The following IMMP2L variants were observed in gnomAD, a reference collection of about 807,000 sequenced individuals.
IMMP2L encodes mitochondrial inner membrane protease subunit 2.
IMMP2L carries 18 observed loss-of-function variants against 19.3 expected under a neutral mutation model. The observed-to-expected ratio is 0.93, with a 90% CI of 0.64 to 1.38. IMMP2L has a LOEUF of 1.38. IMMP2L is among the 40% of genes most tolerant of loss of function. IMMP2L has a pLI of 0.00. For missense variants in IMMP2L, 233 were observed against 218.2 expected, an observed-to-expected ratio of 1.07 and a Z score of -0.43; for synonymous variants, 76 against 73.0, an observed-to-expected ratio of 1.04 and a Z score of -0.21.
chr7:110,982,784 A>C (rs1290547161), intron 3 of IMMP2L, among the ~76,000 whole-genome samples: 1 of 152,162 alleles, frequency 6.6e-6, no homozygotes, highest in African/African-American at 2.4e-5. Flanking sequence ...CAAATGGATA[A>C]AGGTATTTTT....
At chr7:110,767,530 TCTC>T (rs1185993034) in intron 5 of IMMP2L, among the ~76,000 whole-genome samples, 3 of 152,094 alleles carry the variant, frequency 2.0e-5, no homozygotes, top group African/African-American at 4.8e-5. Flanking sequence ...CAAATCCACT[TCTC>T]CTGCACACAT....
intron 5 of IMMP2L, among the ~76,000 whole-genome samples, chr7:110,820,535 T>G (rs913271404): frequency 3.3e-5 from 5 of 151,916 alleles, no homozygotes; most frequent in African/African-American, 4.8e-5. Flanking sequence ...TCTGAACATA[T>G]ATGTTTCATA....
Position 111,460,432 on chromosome 7 carries a change from G to A in IMMP2L, c.239+26806C>T, listed in dbSNP as rs142961133. On this transcript the variant is annotated intron_variant, in intron 3 of 5. Transcript: ENST00000405709. Reference sequence around the variant, plus strand: ...TTAATGCCAACAAATTAACCTTTCAGAAAGTTAGAAAGAAAGAACAAAAGA... The same window carrying A: ...TTAATGCCAACAAATTAACCTTTCAAAAAGTTAGAAAGAAAGAACAAAAGA... Among the ~76,000 whole-genome samples the A allele has an allele frequency of 4.2e-3, 635 of 151,988 alleles. 23 individuals are homozygous for A. Among genetic ancestry groups the A allele is most frequent in the Admixed American group, 0.037 (557 of 15,246 alleles).
At chr7:110,898,959 G>A (rs918614711) in intron 4 of IMMP2L, among the ~76,000 whole-genome samples, 3 of 151,714 alleles carry the variant, frequency 2.0e-5, no homozygotes, top group East Asian at 1.9e-4. Flanking sequence ...TTAGGCCTTC[G>A]GGGCCACAAA....
chr7:110,915,038 G>C (rs1481333255), intron 4 of IMMP2L, among the ~76,000 whole-genome samples: 1 of 125,170 alleles, frequency 8.0e-6, no homozygotes, highest in Non-Finnish European at 1.7e-5. Flanking sequence ...GGCGGTTTCT[G>C]AAAAAAATTA....
intron 5 of IMMP2L, among the ~76,000 whole-genome samples, chr7:110,858,516 G>A (rs779406634): frequency 6.6e-6 from 1 of 152,080 alleles, no homozygotes; most frequent in Admixed American, 6.6e-5. Context: ...CTTCAGCCTT[G>A]TGGATTAGAA....
chr7:111,070,544 A>G (rs1049883906), intron 3 of IMMP2L, among the ~76,000 whole-genome samples: 3 of 152,212 alleles, frequency 2.0e-5, no homozygotes, highest in Admixed American at 6.5e-5. Flanking sequence ...GAAGATTGAT[A>G]AAAACTTAGA....
At chr7:111,154,261 C>A (rs1309269492) in intron 3 of IMMP2L, among the ~76,000 whole-genome samples, 1 of 152,012 alleles carries the variant, frequency 6.6e-6, no homozygotes, top group Non-Finnish European at 1.5e-5. Context: ...AACCCAACTG[C>A]TTTATCTTTA....
At chr7:110,894,395 A>T (rs1259862099) in intron 4 of IMMP2L, among the ~76,000 whole-genome samples, 5 of 152,172 alleles carry the variant, frequency 3.3e-5, no homozygotes, top group Admixed American at 3.3e-4. Flanking sequence ...TCTCACCAGC[A>T]CTTGATATTA....
chr7:110,894,481 A>G (rs1055948940), intron 4 of IMMP2L, among the ~76,000 whole-genome samples: 1 of 152,138 alleles, frequency 6.6e-6, no homozygotes, highest in Non-Finnish European at 1.5e-5. Context: ...TAATGATTTG[A>G]GCATCTTTTC....
intron 3 of IMMP2L, among the ~76,000 whole-genome samples, chr7:111,249,546 C>G (rs112308498): frequency 0.016 from 2,443 of 152,234 alleles, 66 homozygotes; most frequent in African/African-American, 0.054. Context: ...GCTCCTCCCC[C>G]TCTTGTTGCT....
intron 3 of IMMP2L, among the ~76,000 whole-genome samples, chr7:111,369,620 TA>T (rs1347138613): frequency 2.0e-5 from 3 of 151,860 alleles, no homozygotes; most frequent in African/African-American, 7.2e-5. Context: ...CTTTAAAAAT[TA>T]AAAAACAAAG....
rs1399107790 is a variant in IMMP2L at position 110,745,154 on chromosome 7, G to T, written c.409-81433C>A. Among the ~76,000 whole-genome samples, 4 of 152,116 alleles carry T rather than the reference G, an allele frequency of 2.6e-5. No individual in the cohort carries two copies. The East Asian group carries it at 7.7e-4, about 29-fold the overall frequency. On this transcript the variant is annotated intron_variant, in intron 5 of 5. Transcript: ENST00000405709. The stretch of plus-strand genomic sequence containing the variant: ...ATCAAGAGGAAGAAAGGATATCAGA[G>T]ACAGAAGATCAACTCAATGAAATAA...
At chr7:110,972,376 A>C (rs187411539) in intron 3 of IMMP2L, among the ~76,000 whole-genome samples, 1 of 152,234 alleles carries the variant, frequency 6.6e-6, no homozygotes, top group African/African-American at 2.4e-5. Context: ...TCAATGCTTT[A>C]ACCTAAATAA....
chr7:110,826,433 A>C (rs1354341915), intron 5 of IMMP2L, among the ~76,000 whole-genome samples: 1 of 152,224 alleles, frequency 6.6e-6, no homozygotes, highest in African/African-American at 2.4e-5. Flanking sequence ...ACTTGGAACC[A>C]ACCCAAATGT....
At chr7:111,544,285 T>G (rs536238631) in intron 1 of IMMP2L, among the ~76,000 whole-genome samples, 6 of 151,984 alleles carry the variant, frequency 3.9e-5, no homozygotes, top group Non-Finnish European at 7.4e-5. Context: ...TTAGGAGATA[T>G]ACCTAATGTA....
At chr7:110,794,181 A>T (rs1232792493) in intron 5 of IMMP2L, among the ~76,000 whole-genome samples, 1 of 152,152 alleles carries the variant, frequency 6.6e-6, no homozygotes, top group Non-Finnish European at 1.5e-5. Flanking sequence ...ACTTATGTCC[A>T]CACCAAAACC....
chr7:110,780,069 T>C (rs1584804064), intron 5 of IMMP2L, among the ~76,000 whole-genome samples: 1 of 151,952 alleles, frequency 6.6e-6, no homozygotes, highest in East Asian at 1.9e-4. Flanking sequence ...TTGTACTGTC[T>C]TTAAAATCAT....
At chr7:110,902,504 T>C (rs1236770955) in intron 4 of IMMP2L, among the ~76,000 whole-genome samples, 2 of 142,362 alleles carry the variant, frequency 1.4e-5, no homozygotes, top group African/African-American at 5.7e-5. Flanking sequence ...ATATATATAG[T>C]ATCAAGGGTT....
Sources: allele counts gnomAD v4.1 joint callset (sites outside exome capture counted in the v4.1 genomes callset), GRCh38; gene constraint gnomAD v4.1.1; transcripts MANE v1.5; gene names NCBI Gene and HGNC (gene_info 2026-07-23, HGNC 2026-07-21).